Variants in ADAMTS6 observed in about 807,000 individuals in gnomAD.
The protein encoded by ADAMTS6 is ADAM metallopeptidase with thrombospondin type 1 motif 6, also known as A disintegrin and metalloproteinase with thrombospondin motifs 6.
Under a neutral mutation model 144.3 loss-of-function variants are expected in ADAMTS6, and 23 were observed. That is an observed-to-expected ratio of 0.16 (90% CI 0.11 to 0.23). The LOEUF (loss-of-function observed/expected upper bound fraction) is 0.23. Among genes scored for constraint, ADAMTS6 ranks in the 10% least tolerant of loss-of-function variants. The probability of loss-of-function intolerance (pLI) is 1.00; values close to 1 mark genes in which losing one functional copy is unlikely to be tolerated. For missense variants in ADAMTS6, 999 were observed against 1,379.6 expected, an observed-to-expected ratio of 0.72 and a Z score of 4.37; for synonymous variants, 444 against 457.5, an observed-to-expected ratio of 0.97 and a Z score of 0.38.
intron 8 of ADAMTS6, among the ~76,000 whole-genome samples, chr5:65,332,074 T>C (rs886887583): frequency 2.0e-5 from 3 of 151,650 alleles, no homozygotes; most frequent in South Asian, 2.1e-4. Context: ...TCTTTGCCAA[T>C]AATGACAATC....
intron 21 of ADAMTS6, 72 bp downstream of exon 21, chr5:65,196,950 C>T (rs1206587751): frequency 6.6e-7 from 1 of 1,510,628 alleles, no homozygotes; most frequent in Non-Finnish European, 8.9e-7. Context: ...AAATATATTT[C>T]CAAACATGAA....
intron 7 of ADAMTS6, among the ~76,000 whole-genome samples, chr5:65,401,029 A>G (rs1412765956): frequency 2.0e-5 from 3 of 152,132 alleles, no homozygotes; most frequent in Non-Finnish European, 4.4e-5. Flanking sequence ...CCACCATCTC[A>G]GCCATGTCTG....
intron 22 of ADAMTS6, among the ~76,000 whole-genome samples, chr5:65,179,951 C>T (rs77895785): frequency 1.6e-4 from 12 of 75,486 alleles, no homozygotes; most frequent in African/African-American, 4.2e-4. Flanking sequence ...CACATGTGCA[C>T]GCACGCGCAC....
Position 65,375,811 on chromosome 5 carries a change from C to T in ADAMTS6, c.1074-41726G>A, listed in dbSNP as rs189720341. 4.1e-3 allele frequency among the ~76,000 whole-genome samples: 617 copies of T among 152,206 alleles called. 9 individuals are homozygous for T. The highest frequency in any genetic ancestry group is 0.013 in the African/African-American group (545 of 41,536). ...ATGCTGCTATAAAGGCACATGCACACGTATGTTTATTACGGCATTATTCAC... is the reference window on the plus strand; with the variant it reads ...ATGCTGCTATAAAGGCACATGCACATGTATGTTTATTACGGCATTATTCAC... On this transcript the variant is annotated intron_variant, in intron 7 of 24. Transcript: ENST00000381055.
chr5:65,431,686 G>A (rs1030332567), intron 7 of ADAMTS6, among the ~76,000 whole-genome samples: 5 of 152,014 alleles, frequency 3.3e-5, no homozygotes, highest in African/African-American at 4.8e-5. Context: ...TGCATTTTTT[G>A]TAACAGGCAA....
chr5:65,262,498 A>G (rs62369611), intron 13 of ADAMTS6, among the ~76,000 whole-genome samples: 19,718 of 152,174 alleles, frequency 0.13, 1,365 homozygotes, highest in African/African-American at 0.15. Flanking sequence ...CTAAGACCAG[A>G]TCTGGATTCA....
At chr5:65,191,120 G>A (rs1381252699) in intron 21 of ADAMTS6, among the ~76,000 whole-genome samples, 1 of 152,086 alleles carries the variant, frequency 6.6e-6, no homozygotes, top group Admixed American at 6.5e-5. Flanking sequence ...TTCTGGGGCT[G>A]TTTCTTTCTG....
chr5:65,298,863 A>C (rs1743104373), intron 10 of ADAMTS6, among the ~76,000 whole-genome samples: 2 of 152,122 alleles, frequency 1.3e-5, no homozygotes, highest in Non-Finnish European at 1.5e-5. Flanking sequence ...ATCTAATCAT[A>C]GTTTTCAAAA....
chr5:65,213,566 T>C (rs1416917272), intron 20 of ADAMTS6, among the ~76,000 whole-genome samples: 1 of 151,844 alleles, frequency 6.6e-6, no homozygotes, highest in Admixed American at 6.6e-5. Context: ...GCCCAGGAGG[T>C]TGAGGCTGCA....
At chr5:65,184,531 A>AT (rs1754549454) in intron 22 of ADAMTS6, among the ~76,000 whole-genome samples, 1 of 152,218 alleles carries the variant, frequency 6.6e-6, no homozygotes, top group Non-Finnish European at 1.5e-5. Context: ...TAAGTATAAG[A>AT]AATGTATCTT....
chr5:65,426,584 A>C (rs1257956971), intron 7 of ADAMTS6, among the ~76,000 whole-genome samples: 4 of 152,162 alleles, frequency 2.6e-5, no homozygotes, highest in African/African-American at 9.6e-5. Context: ...TTTCAAAAAA[A>C]TGTATAATTT....
chr5:65,383,333 T>C (rs1365267529), intron 7 of ADAMTS6, among the ~76,000 whole-genome samples: 1 of 152,094 alleles, frequency 6.6e-6, no homozygotes, highest in Non-Finnish European at 1.5e-5. Context: ...TGAGGCAAAC[T>C]GCTCTCCAGT....
At position 65,452,172 on chromosome 5, in the gene ADAMTS6, A is replaced by G; in HGVS notation, c.888T>C (p.Asn296=). 1 of 1,612,262 alleles carries G rather than the reference A, an allele frequency of 6.2e-7. No individual in the cohort carries two copies. ...YRDSSLGNVV[N]IIVARLIVLT... is the part of the protein sequence containing the mutation. ...GAACAATTAAGCGGGCCACTATAAT[A>G]TTCACAACGTTTCCTAGGCTGGAAT... is the stretch of plus-strand genomic sequence containing the variant. Residue 296 remains asparagine, a synonymous_variant, in exon 6 of 25, where the codon AAT becomes AAC. Transcript: ENST00000381055.
intron 10 of ADAMTS6, among the ~76,000 whole-genome samples, chr5:65,296,908 T>C (rs1742894730): frequency 6.6e-6 from 1 of 152,166 alleles, no homozygotes; most frequent in Non-Finnish European, 1.5e-5. Context: ...TTTGAAACCT[T>C]TATGAAATTA....
chr5:65,404,253 G>A (rs1025700237), intron 7 of ADAMTS6, among the ~76,000 whole-genome samples: 6 of 151,910 alleles, frequency 3.9e-5, no homozygotes, highest in South Asian at 2.1e-4. Flanking sequence ...CAATCAACTC[G>A]TCATTTACAT....
intron 7 of ADAMTS6, among the ~76,000 whole-genome samples, chr5:65,392,303 C>A (rs1752992566): frequency 1.3e-5 from 2 of 152,090 alleles, no homozygotes; most frequent in African/African-American, 4.8e-5. Context: ...TGAAGTTAAT[C>A]AAATACCCTG....
At chr5:65,241,164 T>A (rs536507792) in intron 15 of ADAMTS6, among the ~76,000 whole-genome samples, 135 of 151,954 alleles carry the variant, frequency 8.9e-4, no homozygotes, top group Middle Eastern at 3.4e-3. Context: ...CACTATAAAA[T>A]TCTGTTAATA....
chr5:65,224,813 A>G, intron 17 of ADAMTS6, 111 bp downstream of exon 17: 2 of 1,308,948 alleles, frequency 1.5e-6, no homozygotes, highest in Non-Finnish European at 2.1e-6. Context: ...GGGGAAGAAA[A>G]CATTGTCTGC....
rs763802664 is a variant in ADAMTS6 at position 65,452,777 on chromosome 5, G to A, written c.773C>T (p.Ala258Val). 1.2e-6 allele frequency: 2 copies of A among 1,614,036 alleles called. No individual in the cohort carries two copies. Among genetic ancestry groups the A allele is most frequent in the Admixed American group, 1.7e-5 (1 of 60,016 alleles). ...ATGGTAGCCCACCATCATTTTGTCT[G>A]CCACTACCAATGTCTCCACAAACCG... ...IERFVETLVV[A>V]DKMMVGYHGR... The change falls in exon 5 of 25, where the codon GCA becomes GTA. Residue 258 changes from alanine (A) to valine (V), a missense_variant. Physicochemically the swap from Ala to Val is moderately conservative, Grantham distance 64 (BLOSUM62 0). Coordinates refer to ENST00000381055, the MANE Select transcript of ADAMTS6 (RefSeq NM_197941.4).
Sources: gnomAD v4.1 joint callset for allele counts (sites outside exome capture counted in the v4.1 genomes callset) on GRCh38, gnomAD v4.1.1 for gene constraint, MANE v1.5 for transcripts, NCBI Gene and HGNC (gene_info 2026-07-23, HGNC 2026-07-21) for gene names.